Variants in ZNF550 observed in about 807,000 individuals in gnomAD.
ZNF550 encodes zinc finger protein 550.
In ZNF550, 42 loss-of-function variants were observed where a neutral mutation model predicts 40.2. The observed-to-expected ratio is 1.05, with a 90% confidence interval of 0.82 to 1.35. The LOEUF (loss-of-function observed/expected upper bound fraction) is 1.35. Among genes scored for constraint, ZNF550 ranks in the 40% most tolerant of loss-of-function variants. The probability of loss-of-function intolerance (pLI) is 0.00; values close to 1 mark genes in which losing one functional copy is unlikely to be tolerated. For missense variants in ZNF550, 549 were observed against 525.2 expected (o/e 1.05, Z -0.44); for synonymous variants, 223 against 198.6 (o/e 1.12, Z -1.03).
chr19:57,552,173 A>G (rs1378775013), intron 3 of ZNF550, among the ~76,000 whole-genome samples: 2 of 152,228 alleles, frequency 1.3e-5, no homozygotes, highest in Admixed American at 6.5e-5. Flanking sequence ...CACAGAAATT[A>G]TATCACTCTG....
intron 1 of ZNF550, chr19:57,556,638 C>T (rs2090124135): frequency 3.3e-6 from 1 of 301,626 alleles, no homozygotes; most frequent in Non-Finnish European, 6.3e-6. Flanking sequence ...AGTACTCTGG[C>T]ATATTAAAAG....
At chr19:57,557,888 A>T (rs866559486) in intron 1 of ZNF550, among the ~76,000 whole-genome samples, 4 of 152,240 alleles carry the variant, frequency 2.6e-5, no homozygotes, top group African/African-American at 7.2e-5. Flanking sequence ...TTCCCATCTC[A>T]GCAGGCAGCT....
At chr19:57,544,558 CAGGAG>C (rs2089991294) in intron 4 of ZNF550, 2 of 985,074 alleles carry the variant, frequency 2.0e-6, no homozygotes, top group Non-Finnish European at 2.4e-6. Flanking sequence ...CTCCTTCCCA[CAGGAG>C]AGGAAACTGT....
chr19:57,548,392 A>C (rs991293217), intron 3 of ZNF550, among the ~76,000 whole-genome samples: 3 of 152,224 alleles, frequency 2.0e-5, no homozygotes, highest in African/African-American at 7.2e-5. Flanking sequence ...AAAATCTAAG[A>C]ATCTGATTTA....
At position 57,554,270 on chromosome 19, in the gene ZNF550, G is replaced by T. The variant is rs2090100165; in HGVS notation, c.155-1548C>A. Reference sequence around the variant, plus strand: ...GTGACCAAAGCTGGATTCTCATTGTGAAAAGAAAGCATTTATTCCAAGGTG... The same window carrying T: ...GTGACCAAAGCTGGATTCTCATTGTTAAAAGAAAGCATTTATTCCAAGGTG... On this transcript the variant is annotated intron_variant, in intron 2 of 4. Transcript: ENST00000457177. This position sits in a 1 kb window ranked among gnomAD's most constrained non-coding sequence, Gnocchi z 4.5. 1 of 152,228 alleles carries T rather than the reference G, an allele frequency of 6.6e-6. No individual in the cohort carries two copies. Among genetic ancestry groups the T allele is most frequent in the Admixed American group, 6.5e-5 (1 of 15,282 alleles). 9.4% of individuals were successfully genotyped at this position (152,228 alleles called of 1,614,324 possible). A position where few individuals can be genotyped will look rare whatever the true frequency, so the allele number is the denominator to read the frequency against.
chr19:57,547,966 T>G (rs551689281), exon 4 of ZNF550: 1 of 1,613,660 alleles, frequency 6.2e-7, no homozygotes, highest in South Asian at 1.1e-5. Context: ...AGTGGTTGGC[T>G]CTCTGGTATG....
intron 1 of ZNF550, 145 bp from the exon 2 acceptor site, chr19:57,556,502 A>C: frequency 2.0e-6 from 2 of 1,006,780 alleles, no homozygotes; most frequent in Non-Finnish European, 2.9e-6. Context: ...TGCAGGGCTC[A>C]AAGGGGAGGC....
chr19:57,559,945 A>G, upstream of ZNF550: 1 of 397,726 alleles, frequency 2.5e-6, no homozygotes, highest in Admixed American at 4.4e-5. Context: ...GTCCCGTAAG[A>G]GGCCAGGCTT....
chr19:57,549,279 C>A (rs1450055646), intron 3 of ZNF550, among the ~76,000 whole-genome samples: 1 of 151,850 alleles, frequency 6.6e-6, no homozygotes. Flanking sequence ...ATCTTATGTA[C>A]CCACATAAAT....
chr19:57,547,136 G>A, exon 4 of ZNF550: 3 of 1,610,774 alleles, frequency 1.9e-6, no homozygotes, highest in South Asian at 1.1e-5. Flanking sequence ...CATTCATAGG[G>A]CTTCTCCCCA....
chr19:57,544,289 G>T (rs1423736427), intron 4 of ZNF550: 13 of 985,304 alleles, frequency 1.3e-5, no homozygotes, highest in African/African-American at 1.7e-5. Context: ...CTTCAGTGAA[G>T]ACTGTATGGA....
At chr19:57,552,605 T>A (rs925981481) in intron 3 of ZNF550, 22 bp downstream of exon 3, 7 of 1,575,608 alleles carry the variant, frequency 4.4e-6, no homozygotes, top group Non-Finnish European at 6.0e-6. Context: ...TGACTCCACA[T>A]GACCAGCTGG....
intron 2 of ZNF550, 191 bp from the exon 3 acceptor site, chr19:57,552,913 T>A (rs1015923161): frequency 1.8e-6 from 1 of 566,576 alleles, no homozygotes; most frequent in African/African-American, 1.9e-5. Flanking sequence ...AAAAATCATA[T>A]GTTGATGCCC....
exon 4 of ZNF550, chr19:57,546,804 C>T (rs888674173): frequency 8.6e-6 from 12 of 1,397,144 alleles, no homozygotes; most frequent in Non-Finnish European, 1.0e-5. Flanking sequence ...GGGCTTCTCT[C>T]CAAAGTGACT....
intron 3 of ZNF550, among the ~76,000 whole-genome samples, chr19:57,549,938 A>G (rs969469733): frequency 1.3e-5 from 2 of 152,204 alleles, no homozygotes; most frequent in East Asian, 1.9e-4. Flanking sequence ...CAGGTCTCCA[A>G]TTCCTCAACT....
intron 4 of ZNF550, among the ~76,000 whole-genome samples, chr19:57,545,645 G>T (rs1164363557): frequency 2.0e-5 from 3 of 147,268 alleles, no homozygotes; most frequent in African/African-American, 7.5e-5. Context: ...CACTTTAGGA[G>T]GCTAAGCAGG....
At position 57,556,386 on chromosome 19, in the gene ZNF550, T is replaced by C. The variant is rs762646998; in HGVS notation, c.28-29A>G. The C allele has an allele frequency of 5.6e-6, 9 of 1,601,748 alleles. No homozygotes were observed. The South Asian group carries it at 1.0e-4, about 18-fold the overall frequency. On this transcript the variant is annotated intron_variant, in intron 1 of 4. Coordinates refer to ENST00000457177, the Ensembl canonical transcript of ZNF550. ...GAAAGTCAAACAGAAGTAATGCTAT[T>C]GGCCTTGTGTTGTCGCATAGGATCA... is the stretch of plus-strand genomic sequence containing the variant.
intron 4 of ZNF550, chr19:57,543,405 G>A (rs2089978822): frequency 4.0e-6 from 1 of 250,432 alleles, no homozygotes; most frequent in South Asian, 1.5e-4. Context: ...CACATTTTTT[G>A]TCTGCTTACA....
In ZNF550 at chr19:57,547,546, C is replaced by T. The variant is rs1365188142; in HGVS notation, c.698G>A (p.Cys233Tyr). The T allele has an allele frequency of 1.9e-6, 3 of 1,614,058 alleles. No individual in the cohort carries two copies. The East Asian group carries it at 6.7e-5, about 36-fold the overall frequency. Residue 233 changes from cysteine to tyrosine, a missense_variant, in exon 4 of 5, where the codon TGC becomes TAC. Coordinates refer to ENST00000457177, the Ensembl canonical transcript of ZNF550. ...GCTAAAGGCTTTCCCACATGCATTGCATTCATAGGGTTTCATTCCAGTGTG... is the reference window on the plus strand; with the variant it reads ...GCTAAAGGCTTTCCCACATGCATTGTATTCATAGGGTTTCATTCCAGTGTG...
Sources: gnomAD v4.1 joint callset for allele counts (sites outside exome capture counted in the v4.1 genomes callset) on GRCh38, gnomAD v4.1.1 for gene constraint, Gnocchi (gnomAD v3.1) non-coding constraint, MANE v1.5 for transcripts, NCBI Gene and HGNC (gene_info 2026-07-23, HGNC 2026-07-21) for gene names.